CRPPA: variants seen among roughly 807,000 people sequenced by gnomAD.
The protein encoded by CRPPA is CDP-L-ribitol pyrophosphorylase A.
In CRPPA, 43 loss-of-function variants were observed where a neutral mutation model predicts 52.0. The ratio of observed to expected loss-of-function variants is 0.83; its 90% CI spans 0.65 to 1.07. The LOEUF (loss-of-function observed/expected upper bound fraction) is 1.07. Among genes scored for constraint, CRPPA ranks in the 50% least tolerant of loss-of-function variants. The probability of loss-of-function intolerance (pLI) is 0.00; values close to 1 mark genes in which losing one functional copy is unlikely to be tolerated. For synonymous variants in CRPPA, 250 were observed against 203.5 expected (o/e 1.23, Z -1.94); for missense variants, 629 against 551.7 (o/e 1.14, Z -1.40).
intron 8 of CRPPA, among the ~76,000 whole-genome samples, chr7:16,217,168 C>T (rs1380445248): frequency 3.4e-5 from 5 of 145,456 alleles, no homozygotes; most frequent in Non-Finnish European, 7.6e-5. Flanking sequence ...GAGGCACCCC[C>T]CAGCAGGGGC....
intron 3 of CRPPA, among the ~76,000 whole-genome samples, chr7:16,324,646 A>G (rs1785338635): frequency 6.6e-6 from 1 of 152,036 alleles, no homozygotes; most frequent in South Asian, 2.1e-4. Context: ...ATTGTACATT[A>G]CCATCAACAA....
chr7:16,152,028 G>T (rs1400336067), intron 9 of CRPPA, among the ~76,000 whole-genome samples: 1 of 151,840 alleles, frequency 6.6e-6, no homozygotes, highest in Non-Finnish European at 1.5e-5. Context: ...AAGAAACTCA[G>T]AATGGCAAAG....
chr7:16,249,778 C>T (rs537522482), intron 8 of CRPPA, among the ~76,000 whole-genome samples: 1 of 152,272 alleles, frequency 6.6e-6, no homozygotes, highest in South Asian at 2.1e-4. Context: ...GGGGAGAAAC[C>T]AGTGCAGAAA....
intron 2 of CRPPA, among the ~76,000 whole-genome samples, chr7:16,384,906 T>C (rs1787214671): frequency 6.6e-6 from 1 of 152,184 alleles, no homozygotes; most frequent in South Asian, 2.1e-4. Flanking sequence ...AATCAGCTAT[T>C]ATAAATACAT....
intron 2 of CRPPA, among the ~76,000 whole-genome samples, chr7:16,383,313 C>T (rs1405303138): frequency 1.3e-5 from 2 of 152,206 alleles, no homozygotes; most frequent in African/African-American, 4.8e-5. Flanking sequence ...AGCGGATTTT[C>T]ATGAACCGCG....
chr7:16,158,176 G>A (rs1272559106), intron 9 of CRPPA, among the ~76,000 whole-genome samples: 1 of 151,778 alleles, frequency 6.6e-6, no homozygotes, highest in Non-Finnish European at 1.5e-5. Flanking sequence ...GAGCCACCGT[G>A]CCTGGCCAAA....
At chr7:16,127,549 C>T (rs1469613788) in intron 9 of CRPPA, among the ~76,000 whole-genome samples, 1 of 151,836 alleles carries the variant, frequency 6.6e-6, no homozygotes, top group Admixed American at 6.6e-5. Flanking sequence ...CTTTAATGTC[C>T]TAAAAATTTC....
chr7:16,100,608 T>G (rs541714407), intron 9 of CRPPA, among the ~76,000 whole-genome samples: 1 of 152,348 alleles, frequency 6.6e-6, no homozygotes, highest in South Asian at 2.1e-4. Context: ...CAGAGACAAT[T>G]TGACTTCCTC....
chr7:16,324,945 A>C (rs1472243956), intron 3 of CRPPA, among the ~76,000 whole-genome samples: 1 of 152,194 alleles, frequency 6.6e-6, no homozygotes, highest in East Asian at 1.9e-4. Flanking sequence ...CTAGATGACA[A>C]TTCCTGCTAA....
intron 6 of CRPPA, among the ~76,000 whole-genome samples, chr7:16,273,716 G>T (rs996477391): frequency 6.6e-6 from 1 of 152,174 alleles, no homozygotes; most frequent in Admixed American, 6.5e-5. Flanking sequence ...CCTCCACTGA[G>T]CTGTTAAACA....
At chr7:16,178,095 C>T (rs185475626) in intron 9 of CRPPA, among the ~76,000 whole-genome samples, 10 of 150,994 alleles carry the variant, frequency 6.6e-5, no homozygotes, top group Admixed American at 1.3e-4. Context: ...GAAAGTTTGA[C>T]TAGAATTTAA....
chr7:16,228,828 A>T (rs551677610), intron 8 of CRPPA, among the ~76,000 whole-genome samples: 1 of 152,112 alleles, frequency 6.6e-6, no homozygotes, highest in South Asian at 2.1e-4. Flanking sequence ...GATCAAGAGC[A>T]TAGTTTAAGT....
intron 9 of CRPPA, among the ~76,000 whole-genome samples, chr7:16,113,961 C>T (rs924936587): frequency 3.3e-5 from 5 of 151,712 alleles, no homozygotes; most frequent in Admixed American, 1.3e-4. Context: ...AAATAAGTAA[C>T]ATCTAAATAT....
chr7:16,172,479 T>C (rs116359916), intron 9 of CRPPA, among the ~76,000 whole-genome samples: 1 of 152,204 alleles, frequency 6.6e-6, no homozygotes, highest in South Asian at 2.1e-4. Context: ...GCCAAGAATA[T>C]GAGCCTTGAA....
chr7:16,413,015 A>T (rs775457171), intron 1 of CRPPA, among the ~76,000 whole-genome samples: 3 of 152,218 alleles, frequency 2.0e-5, no homozygotes, highest in Admixed American at 2.0e-4. Flanking sequence ...GGCCCTGTTA[A>T]CACCTCTGAA....
intron 8 of CRPPA, among the ~76,000 whole-genome samples, chr7:16,241,602 G>A (rs1440320522): frequency 6.6e-6 from 1 of 151,942 alleles, no homozygotes; most frequent in South Asian, 2.1e-4. Flanking sequence ...ACACTTATTT[G>A]GTACATATTA....
At chr7:16,128,409 A>G (rs1164080377) in intron 9 of CRPPA, among the ~76,000 whole-genome samples, 1 of 152,144 alleles carries the variant, frequency 6.6e-6, no homozygotes, top group African/African-American at 2.4e-5. Context: ...TTTTTCAAAG[A>G]AAGGATGCCT....
chr7:16,264,382 A>G (rs555141012), intron 6 of CRPPA, among the ~76,000 whole-genome samples: 49 of 152,328 alleles, frequency 3.2e-4, no homozygotes, highest in African/African-American at 1.2e-3. Flanking sequence ...TACGACAACA[A>G]AAAATCAAAC....
At chr7:16,106,993 CAAAA>C (rs1402705478) in intron 9 of CRPPA, among the ~76,000 whole-genome samples, 1 of 151,850 alleles carries the variant, frequency 6.6e-6, no homozygotes, top group East Asian at 1.9e-4. Flanking sequence ...CTGAAAAACT[CAAAA>C]GAAACCTTCA....
Sources: allele counts gnomAD v4.1 joint callset (sites outside exome capture counted in the v4.1 genomes callset), GRCh38; gene constraint gnomAD v4.1.1; transcripts MANE v1.5; gene names NCBI Gene and HGNC (gene_info 2026-07-23, HGNC 2026-07-21).